Variants in MLLT3 observed in about 807,000 individuals in gnomAD.
MLLT3 encodes the protein protein AF-9.
A neutral mutation model predicts 53.2 loss-of-function variants in MLLT3; 4 were observed. That is an observed-to-expected ratio of 0.08 (90% CI 0.04 to 0.17). The LOEUF (loss-of-function observed/expected upper bound fraction) is 0.17. MLLT3 is among the 10% of genes least tolerant of loss of function. The pLI is 1.00. For missense variants in MLLT3, 569 were observed against 684.0 expected (o/e 0.83, Z 1.87); for synonymous variants, 283 against 230.6 (o/e 1.23, Z -2.06).
intron 2 of MLLT3, among the ~76,000 whole-genome samples, chr9:20,515,659 T>C (rs559160132): frequency 1.3e-5 from 2 of 152,346 alleles, no homozygotes; most frequent in East Asian, 3.9e-4. Flanking sequence ...GCCAGGCAGC[T>C]AAATAATTAT....
intron 2 of MLLT3, among the ~76,000 whole-genome samples, chr9:20,531,204 C>A (rs888052406): frequency 1.9e-4 from 28 of 148,922 alleles, no homozygotes; most frequent in African/African-American, 6.7e-4. Context: ...GGCGCGATCT[C>A]GGCTCACTGC....
chr9:20,570,809 C>T (rs1321006124), intron 2 of MLLT3, among the ~76,000 whole-genome samples: 1 of 144,870 alleles, frequency 6.9e-6, no homozygotes, highest in Non-Finnish European at 1.5e-5. Context: ...GATTAAGTCC[C>T]AACAAATTCC....
In MLLT3 at chr9:20,543,116, G is replaced by C. The variant is rs535156739; in HGVS notation, c.193+77538C>G. 2.0e-5 allele frequency among the ~76,000 whole-genome samples: 3 copies of C among 152,270 alleles called. No homozygotes were observed. In the South Asian group the frequency reaches 6.2e-4, roughly 32 times the overall value. On this transcript the variant is annotated intron_variant, in intron 2 of 10. Transcript: ENST00000380338. ...CTCAAGGGAAAATTGTGGCTGGTTT[G>C]ATCTACCCAGACCACTAAACTTTCT...
intron 4 of MLLT3, among the ~76,000 whole-genome samples, chr9:20,425,184 G>C (rs1437633043): frequency 6.6e-6 from 1 of 152,064 alleles, no homozygotes; most frequent in African/African-American, 2.4e-5. Context: ...AGTTATAAAG[G>C]TATCCAAGAG....
At chr9:20,375,407 C>T (rs1405792096) in intron 5 of MLLT3, among the ~76,000 whole-genome samples, 1 of 152,120 alleles carries the variant, frequency 6.6e-6, no homozygotes, top group Non-Finnish European at 1.5e-5. Context: ...AGTTTTGTCA[C>T]TGCAGAAGAT....
chr9:20,476,718 G>A (rs746285985), intron 2 of MLLT3, among the ~76,000 whole-genome samples: 1 of 152,080 alleles, frequency 6.6e-6, no homozygotes, highest in South Asian at 2.1e-4. Context: ...TTTGAAGACA[G>A]TATTTTATCT....
intron 8 of MLLT3, 89 bp from the exon 9 acceptor site, chr9:20,354,968 A>C: frequency 1.3e-6 from 1 of 796,348 alleles, no homozygotes. Flanking sequence ...CACTGAATGA[A>C]ATGTACAGTA....
At chr9:20,543,842 T>C (rs1387180660) in intron 2 of MLLT3, among the ~76,000 whole-genome samples, 1 of 152,182 alleles carries the variant, frequency 6.6e-6, no homozygotes, top group Non-Finnish European at 1.5e-5. Flanking sequence ...GAGCATATGC[T>C]ATTGGAAAAA....
chr9:20,459,745 A>G (rs1824062976), intron 2 of MLLT3, among the ~76,000 whole-genome samples: 1 of 152,210 alleles, frequency 6.6e-6, no homozygotes, highest in African/African-American at 2.4e-5. Context: ...CCTTTAAAGG[A>G]AATGACTTGC....
chr9:20,364,104 T>C lies in MLLT3; in HGVS notation c.1202-499A>G, dbSNP rs16923529. ...TTTCAGTCAAGTTCAGATTATAAAG[T>C]ATTTCAATTCCATGGTGTAATATCC... is the stretch of plus-strand genomic sequence containing the variant. On this transcript the variant is annotated intron_variant, in intron 6 of 10. Coordinates refer to ENST00000380338, the MANE Select transcript of MLLT3 (RefSeq NM_004529.4). Among the ~76,000 whole-genome samples, 210 of 152,332 alleles carry C rather than the reference T, an allele frequency of 1.4e-3. 3 individuals are homozygous for C. In the East Asian group the frequency reaches 0.03, roughly 22 times the overall value.
chr9:20,486,617 T>C (rs1411693288), intron 2 of MLLT3, among the ~76,000 whole-genome samples: 6 of 152,286 alleles, frequency 3.9e-5, no homozygotes, highest in African/African-American at 1.4e-4. Flanking sequence ...AGTTTTTAAA[T>C]AAGGTAAGGT....
intron 4 of MLLT3, among the ~76,000 whole-genome samples, chr9:20,447,585 AAC>A (rs1389153521): frequency 6.6e-6 from 1 of 152,206 alleles, no homozygotes. Context: ...AAAAGTTTAC[AAC>A]ACTTTTGCTA....
chr9:20,545,264 G>A (rs1466475315), intron 2 of MLLT3, among the ~76,000 whole-genome samples: 1 of 152,124 alleles, frequency 6.6e-6, no homozygotes, highest in Admixed American at 6.5e-5. Context: ...TATACTATAA[G>A]AGTGAACCCT....
chr9:20,474,331 G>A (rs1383564314), intron 2 of MLLT3, among the ~76,000 whole-genome samples: 2 of 152,044 alleles, frequency 1.3e-5, no homozygotes, highest in African/African-American at 4.8e-5. Flanking sequence ...GAACACCCTG[G>A]AAATTAGCTT....
chr9:20,421,118 G>T (rs1822997572), intron 4 of MLLT3, among the ~76,000 whole-genome samples: 1 of 152,014 alleles, frequency 6.6e-6, no homozygotes, highest in African/African-American at 2.4e-5. Context: ...ACAAAAATTA[G>T]CCGGGCCAGG....
intron 2 of MLLT3, among the ~76,000 whole-genome samples, chr9:20,514,576 T>G (rs968583402): frequency 1.3e-5 from 2 of 152,170 alleles, no homozygotes; most frequent in African/African-American, 4.8e-5. Flanking sequence ...AATGAGAAAC[T>G]GCCTGGCCCA....
intron 2 of MLLT3, among the ~76,000 whole-genome samples, chr9:20,559,980 G>A (rs1163238666): frequency 6.6e-6 from 1 of 152,098 alleles, no homozygotes; most frequent in East Asian, 1.9e-4. Flanking sequence ...CTGTGCCACT[G>A]GTTTCTTCAG....
chr9:20,488,333 C>T (rs1250248162), intron 2 of MLLT3, among the ~76,000 whole-genome samples: 1 of 151,904 alleles, frequency 6.6e-6, no homozygotes, highest in Middle Eastern at 3.2e-3. Context: ...CTGAACTGTA[C>T]ACTTAAAAAA....
intron 4 of MLLT3, among the ~76,000 whole-genome samples, chr9:20,425,419 C>T (rs1001802100): frequency 2.6e-5 from 4 of 152,018 alleles, no homozygotes; most frequent in Admixed American, 2.6e-4. Context: ...TTAAACACTT[C>T]GCTATTTTTT....
Sources: allele counts gnomAD v4.1 joint callset (sites outside exome capture counted in the v4.1 genomes callset), GRCh38; gene constraint gnomAD v4.1.1; transcripts MANE v1.5; gene names NCBI Gene and HGNC (gene_info 2026-07-23, HGNC 2026-07-21).